The following MOB4 variants were observed in gnomAD, a reference collection of about 807,000 sequenced individuals.
MOB4 encodes the protein MOB-like protein phocein.
In MOB4, 4 loss-of-function variants were observed where a neutral mutation model predicts 32.2. That is an observed-to-expected ratio of 0.12 (90% confidence interval 0.06 to 0.28). The LOEUF (loss-of-function observed/expected upper bound fraction) is 0.28, where lower values mean the gene tolerates loss of function less well. MOB4 is among the 10% of genes least tolerant of loss of function. The probability of loss-of-function intolerance (pLI) is 1.00; values close to 1 mark genes in which losing one functional copy is unlikely to be tolerated. For missense variants in MOB4, 158 were observed against 271.2 expected, an observed-to-expected ratio of 0.58 and a Z score of 2.93; for synonymous variants, 88 against 88.1, an observed-to-expected ratio of 1.00 and a Z score of 0.01.
intron 1 of MOB4, among the ~76,000 whole-genome samples, chr2:197,523,267 A>G (rs555276132): frequency 6.6e-6 from 1 of 152,330 alleles, no homozygotes; most frequent in Admixed American, 6.5e-5. Flanking sequence ...GTTCAATTAA[A>G]TAAAATCTTA....
Position 197,550,722 on chromosome 2 carries a change from C to T in MOB4, c.*76C>T, listed in dbSNP as rs2087083967. On this transcript the variant is annotated 3_prime_UTR_variant, in exon 8 of 8. Coordinates refer to ENST00000323303, the MANE Select transcript of MOB4 (RefSeq NM_015387.5). ...TATATATCATTTTAGACACATCAAT[C>T]ATGTATCCATATTATAGCTTCTTTG... 1.4e-6 allele frequency: 2 copies of T among 1,443,640 alleles called. No homozygotes were observed. Among genetic ancestry groups the T allele is most frequent in the Non-Finnish European group, 1.8e-6 (2 of 1,097,300 alleles). The allele number at this position is 1,443,640 out of a possible 1,614,324, so 89.4% of individuals were successfully genotyped here.
At chr2:197,539,499 G>T (rs1220742094) in intron 3 of MOB4, among the ~76,000 whole-genome samples, 1 of 151,724 alleles carries the variant, frequency 6.6e-6, no homozygotes, top group South Asian at 2.1e-4. Flanking sequence ...TTGTATTTTT[G>T]TGGCGATGGA....
chr2:197,551,779 C>G lies in MOB4; in HGVS notation c.*1133C>G, dbSNP rs955752862. The stretch of plus-strand genomic sequence containing the variant: ...ATGAATAGTCATACATTTTTTTGGA[C>G]TTTGTTATAATTCATTGTGGTAAGA... On this transcript the variant is annotated 3_prime_UTR_variant, in exon 8 of 8. Transcript: ENST00000323303. 6.6e-6 allele frequency: 1 copy of G among 152,144 alleles called. No homozygotes were observed. The highest frequency in any genetic ancestry group is 1.5e-5 in the Non-Finnish European group (1 of 67,970). The allele number at this position is 152,144 out of a possible 1,614,324, so 9.4% of individuals were successfully genotyped here. A position where few individuals can be genotyped will look rare whatever the true frequency, so the allele number is the denominator to read the frequency against.
chr2:197,545,696 A>G (rs1428372327), intron 5 of MOB4, among the ~76,000 whole-genome samples: 1 of 152,232 alleles, frequency 6.6e-6, no homozygotes, highest in Non-Finnish European at 1.5e-5. Flanking sequence ...TTATTATATT[A>G]TTTCATTTTA....
At chr2:197,530,476 G>T (rs1018506659) in intron 2 of MOB4, among the ~76,000 whole-genome samples, 1 of 151,784 alleles carries the variant, frequency 6.6e-6, no homozygotes, top group Non-Finnish European at 1.5e-5. Context: ...TGTTGCCTAG[G>T]CTGGTCTTGA....
Position 197,545,939 on chromosome 2 carries a change from A to G in MOB4, c.355-2397A>G, listed in dbSNP as rs557769486. Among the ~76,000 whole-genome samples the G allele has an allele frequency of 7.7e-4, 117 of 152,370 alleles. 1 individual carries two copies. The highest frequency in any genetic ancestry group is 2.7e-3 in the African/African-American group (111 of 41,598). On this transcript the variant is annotated intron_variant, in intron 5 of 7. Coordinates refer to ENST00000323303, the MANE Select transcript of MOB4 (RefSeq NM_015387.5). ...TTGTATCAATTATATCTTAAAAGTC[A>G]AAAAGTAGCCCATTAATTTTATATC...
At chr2:197,533,158 G>C (rs1284620475) in intron 2 of MOB4, among the ~76,000 whole-genome samples, 1 of 152,082 alleles carries the variant, frequency 6.6e-6, no homozygotes, top group Non-Finnish European at 1.5e-5. Context: ...AGACAAAAAT[G>C]AATAGACAGA....
At chr2:197,530,411 G>T (rs2086680658) in intron 2 of MOB4, among the ~76,000 whole-genome samples, 1 of 151,808 alleles carries the variant, frequency 6.6e-6, no homozygotes, top group South Asian at 2.1e-4. Flanking sequence ...ATGACTACAG[G>T]AGCACACCAC....
In MOB4 at chr2:197,523,144, A is replaced by G. The variant is rs77102614; in HGVS notation, c.61-480A>G. ...TTTTTTCATTGTAACTTTTTGAGAG[A>G]TATTTAACCATCATAAAAAAGTGAT... is the stretch of plus-strand genomic sequence containing the variant. On this transcript the variant is annotated intron_variant, in intron 1 of 7. Transcript: ENST00000323303. Among the ~76,000 whole-genome samples, 364 of 151,998 alleles carry G rather than the reference A, an allele frequency of 2.4e-3. 1 individual carries two copies. The highest frequency in any genetic ancestry group is 8.6e-3 in the African/African-American group (355 of 41,464).
intron 1 of MOB4, 199 bp downstream of exon 1, chr2:197,516,345 C>G (rs1054486661): frequency 1.4e-6 from 2 of 1,424,870 alleles, no homozygotes; most frequent in African/African-American, 1.5e-5. Context: ...CTGCGGAGCT[C>G]CGACCCAGGG....
chr2:197,537,753 A>T (rs1215026814), intron 3 of MOB4, among the ~76,000 whole-genome samples: 1 of 152,156 alleles, frequency 6.6e-6, no homozygotes, highest in Non-Finnish European at 1.5e-5. Context: ...TATTTTTATC[A>T]GCCTTGAAAA....
intron 2 of MOB4, among the ~76,000 whole-genome samples, chr2:197,527,093 T>G (rs1346387762): frequency 6.6e-6 from 1 of 152,100 alleles, no homozygotes; most frequent in Non-Finnish European, 1.5e-5. Flanking sequence ...TGTTCTTTAT[T>G]TTCAAGATTT....
intron 3 of MOB4, among the ~76,000 whole-genome samples, chr2:197,537,682 A>G (rs1482351548): frequency 6.6e-6 from 1 of 152,204 alleles, no homozygotes; most frequent in Non-Finnish European, 1.5e-5. Flanking sequence ...GAGTCTGTAG[A>G]TATTTTCCCA....
intron 3 of MOB4, among the ~76,000 whole-genome samples, chr2:197,539,258 G>T (rs1399133981): frequency 6.6e-6 from 1 of 151,370 alleles, no homozygotes; most frequent in African/African-American, 2.4e-5. Context: ...TGACATAGAA[G>T]ATTGTCTTTT....
rs529254741 is a variant in MOB4 at position 197,539,975 on chromosome 2, G to A, written c.225-136G>A. The A allele has an allele frequency of 1.1e-4, 92 of 828,134 alleles. No individual in the cohort carries two copies. The African/African-American group carries it at 1.5e-3, about 14-fold the overall frequency. 51.3% of individuals were successfully genotyped at this position (828,134 alleles called of 1,614,324 possible). A position where few individuals can be genotyped will look rare whatever the true frequency, so the allele number is the denominator to read the frequency against. ...AAGCCTTTAGAAGAAATGTGTCATTGTCAGTTTAGGTGGTTTTGAGAATGG... is the reference window on the plus strand; with the variant it reads ...AAGCCTTTAGAAGAAATGTGTCATTATCAGTTTAGGTGGTTTTGAGAATGG... On this transcript the variant is annotated intron_variant, in intron 3 of 7. Coordinates refer to ENST00000323303, the MANE Select transcript of MOB4 (RefSeq NM_015387.5).
Position 197,540,225 on chromosome 2 carries a change from G to A in MOB4, c.267+72G>A. The A allele has an allele frequency of 1.4e-5, 22 of 1,547,642 alleles. No homozygotes were observed. In the South Asian group the frequency reaches 2.6e-4, roughly 19 times the overall value. ...TTTTTCTCTGTTTTTATAACTTAAT[G>A]TGCTTACAAAAACGTATCCACATTT... On this transcript the variant is annotated intron_variant, in intron 4 of 7. Transcript: ENST00000323303.
At chr2:197,523,351 G>C (rs941929389) in intron 1 of MOB4, among the ~76,000 whole-genome samples, 1 of 152,202 alleles carries the variant, frequency 6.6e-6, no homozygotes, top group Non-Finnish European at 1.5e-5. Context: ...GGGTGGCTAA[G>C]GTGAGAGGCT....
Position 197,516,666 on chromosome 2 carries a change from T to C in MOB4, c.60+520T>C, listed in dbSNP as rs932606242. ...ATCCGGGTGCCGATATTCTCCTCCT[T>C]GTTTCCCTTTGACCACCTCTCCCTG... On this transcript the variant is annotated intron_variant, in intron 1 of 7. Transcript: ENST00000323303. 6.4e-6 allele frequency: 3 copies of C among 471,656 alleles called. No homozygotes were observed. In the Admixed American group the frequency reaches 7.0e-5, roughly 11 times the overall value. The allele number at this position is 471,656 out of a possible 1,614,324, so 29.2% of individuals were successfully genotyped here.
At chr2:197,532,796 A>G (rs1229939888) in intron 2 of MOB4, among the ~76,000 whole-genome samples, 3 of 152,076 alleles carry the variant, frequency 2.0e-5, no homozygotes, top group Non-Finnish European at 4.4e-5. Flanking sequence ...AATAAATGCT[A>G]CTAAGAGTTC....
Sources: allele counts gnomAD v4.1 joint callset (sites outside exome capture counted in the v4.1 genomes callset), GRCh38; gene constraint gnomAD v4.1.1; transcripts MANE v1.5; gene names NCBI Gene and HGNC (gene_info 2026-07-23, HGNC 2026-07-21).